COL24A1: variants seen among roughly 807,000 people sequenced by gnomAD.
COL24A1 encodes collagen alpha-1(XXIV) chain.
Under a neutral mutation model 253.9 loss-of-function variants are expected in COL24A1, and 224 were observed. The observed-to-expected ratio is 0.88, with a 90% CI of 0.79 to 0.99. The LOEUF is 0.99. Ranked by LOEUF, COL24A1 falls within the 50% of genes least tolerant of loss-of-function variation. The pLI is 0.00. For missense variants in COL24A1, 2,131 were observed against 2,068.5 expected, an observed-to-expected ratio of 1.03 and a Z score of -0.59; for synonymous variants, 685 against 673.7, an observed-to-expected ratio of 1.02 and a Z score of -0.26.
chr1:86,016,120 C>T (rs546894193), intron 19 of COL24A1, among the ~76,000 whole-genome samples: 2 of 151,926 alleles, frequency 1.3e-5, no homozygotes, highest in African/African-American at 2.4e-5. Context: ...AGGCGATCCT[C>T]TCACATCAGC....
chr1:85,763,489 T>C (rs955173415), intron 53 of COL24A1, among the ~76,000 whole-genome samples: 5 of 112,772 alleles, frequency 4.4e-5, no homozygotes, highest in African/African-American at 1.4e-4. Context: ...TTTCTTTTAC[T>C]TTCTTTTTTT....
At chr1:85,885,613 A>G (rs1412656476) in intron 32 of COL24A1, among the ~76,000 whole-genome samples, 4 of 152,228 alleles carry the variant, frequency 2.6e-5, no homozygotes, top group African/African-American at 7.2e-5. Context: ...GAGCATTGCA[A>G]TGGGAATATG....
At chr1:86,134,543 GT>G (rs1403192668) in intron 2 of COL24A1, among the ~76,000 whole-genome samples, 1 of 145,626 alleles carries the variant, frequency 6.9e-6, no homozygotes, top group African/African-American at 2.5e-5. Flanking sequence ...ATTCTGGTAT[GT>G]TGTGTCTTGG....
chr1:86,038,172 G>A (rs1368276951), intron 12 of COL24A1, among the ~76,000 whole-genome samples: 2 of 152,020 alleles, frequency 1.3e-5, no homozygotes, highest in African/African-American at 4.8e-5. Flanking sequence ...ATGCTTGTCA[G>A]TCTCCAATTG....
chr1:85,802,599 C>T (rs778382939), intron 47 of COL24A1, among the ~76,000 whole-genome samples: 9 of 152,132 alleles, frequency 5.9e-5, no homozygotes, highest in Non-Finnish European at 7.4e-5. Context: ...ATAATTGACA[C>T]GAAGTAAATT....
At chr1:86,145,416 T>G (rs1045876555) in intron 2 of COL24A1, among the ~76,000 whole-genome samples, 1 of 152,208 alleles carries the variant, frequency 6.6e-6, no homozygotes, top group African/African-American at 2.4e-5. Flanking sequence ...GTTCTAGGAT[T>G]TGTCTCTTTG....
chr1:86,033,522 T>C (rs139784895), intron 13 of COL24A1, among the ~76,000 whole-genome samples: 335 of 152,288 alleles, frequency 2.2e-3, no homozygotes, highest in African/African-American at 7.7e-3. Context: ...ATGACAGGTT[T>C]GAGTCCAAAG....
At chr1:85,999,186 A>ATAAAC (rs1695154221) in intron 19 of COL24A1, among the ~76,000 whole-genome samples, 7 of 152,200 alleles carry the variant, frequency 4.6e-5, no homozygotes, top group Non-Finnish European at 7.3e-5. Flanking sequence ...CAGGCAATAA[A>ATAAAC]TGGTCCTCCA....
At chr1:85,773,994 A>G (rs951664596) in intron 53 of COL24A1, among the ~76,000 whole-genome samples, 2 of 152,052 alleles carry the variant, frequency 1.3e-5, no homozygotes, top group African/African-American at 4.8e-5. Context: ...TCAGTATGAT[A>G]TTGGCTGTGG....
At chr1:85,784,447 C>G in intron 48 of COL24A1, 81 bp from the exon 49 acceptor site, 1 of 1,000,616 alleles carries the variant, frequency 1.0e-6, no homozygotes, top group South Asian at 1.3e-5. Flanking sequence ...CAAATACAGG[C>G]CCATCCTTAG....
intron 24 of COL24A1, among the ~76,000 whole-genome samples, chr1:85,940,080 T>A (rs1175807850): frequency 6.6e-6 from 1 of 152,184 alleles, no homozygotes; most frequent in South Asian, 2.1e-4. Context: ...AGCAATTTTA[T>A]ACAAACCCTG....
At chr1:86,058,924 C>A (rs1039362778) in intron 9 of COL24A1, among the ~76,000 whole-genome samples, 197 bp downstream of exon 9, 1 of 152,034 alleles carries the variant, frequency 6.6e-6, no homozygotes, top group Non-Finnish European at 1.5e-5. Flanking sequence ...TATTTAAAAT[C>A]CCCCTTCCAA....
intron 43 of COL24A1, among the ~76,000 whole-genome samples, chr1:85,837,738 G>A (rs1676171625): frequency 6.6e-6 from 1 of 152,096 alleles, no homozygotes; most frequent in South Asian, 2.1e-4. Context: ...ACCGTTAGTG[G>A]GTCAGGGGAA....
intron 43 of COL24A1, among the ~76,000 whole-genome samples, chr1:85,830,419 G>T (rs1675064171): frequency 6.6e-6 from 1 of 152,124 alleles, no homozygotes; most frequent in Admixed American, 6.6e-5. Flanking sequence ...ACAGAGGCAG[G>T]CAGGCCTCCT....
At chr1:85,917,997 C>T (rs550767209) in intron 24 of COL24A1, among the ~76,000 whole-genome samples, 53 of 152,286 alleles carry the variant, frequency 3.5e-4, no homozygotes, top group African/African-American at 1.2e-3. Context: ...CATGAGATAC[C>T]GTGCCCAAAC....
intron 19 of COL24A1, among the ~76,000 whole-genome samples, chr1:85,997,055 G>GTATATATATATATA (rs59071699): frequency 6.5e-4 from 62 of 94,998 alleles, no homozygotes; most frequent in African/African-American, 8.7e-4. Flanking sequence ...GTGTGTGTGT[G>GTATATATATATATA]TATATATATA....
At chr1:85,899,372 AT>A (rs748544841) in intron 28 of COL24A1, among the ~76,000 whole-genome samples, 8 of 152,204 alleles carry the variant, frequency 5.3e-5, no homozygotes, top group Non-Finnish European at 1.0e-4. Flanking sequence ...TAGAATTACT[AT>A]GTATTTCTTT....
chr1:85,948,247 G>A (rs896496723), intron 24 of COL24A1, among the ~76,000 whole-genome samples: 13 of 152,014 alleles, frequency 8.6e-5, no homozygotes, highest in Non-Finnish European at 1.3e-4. Context: ...CCATTAGGCC[G>A]GGCGCGGTGG....
chr1:85,908,818 A>T (rs1162774245), intron 26 of COL24A1, among the ~76,000 whole-genome samples, 167 bp from the exon 27 acceptor site: 2 of 151,782 alleles, frequency 1.3e-5, no homozygotes, highest in African/African-American at 4.8e-5. Flanking sequence ...CTGCAGATAG[A>T]CCATAGAAAT....
Sources: allele counts gnomAD v4.1 joint callset (sites outside exome capture counted in the v4.1 genomes callset), GRCh38; gene constraint gnomAD v4.1.1; transcripts MANE v1.5; gene names NCBI Gene and HGNC (gene_info 2026-07-23, HGNC 2026-07-21).